ZNF471: variants seen among roughly 807,000 people sequenced by gnomAD.
The protein encoded by ZNF471 is zinc finger protein 471, also known as EZFIT-related protein 1.
Under a neutral mutation model 13.7 loss-of-function variants are expected in ZNF471, and 7 were observed. The observed-to-expected ratio is 0.51, with a 90% CI of 0.29 to 0.96. The LOEUF is 0.96. ZNF471 is among the 40% of genes least tolerant of loss of function. The pLI is 0.08. For synonymous variants in ZNF471, 218 were observed against 235.6 expected (o/e 0.93, Z 0.68); for missense variants, 663 against 743.3 (o/e 0.89, Z 1.26).
At chr19:56,512,768 CCCT>C (rs1358349692) in intron 2 of ZNF471, among the ~76,000 whole-genome samples, 3 of 152,018 alleles carry the variant, frequency 2.0e-5, no homozygotes, top group Non-Finnish European at 2.9e-5. Flanking sequence ...TGTGAAATTC[CCCT>C]CCTCACATTT....
Position 56,510,154 on chromosome 19 carries a change from G to C in ZNF471, c.-55-1363G>C, listed in dbSNP as rs1437345654. On this transcript the variant is annotated intron_variant, in intron 1 of 4. Transcript: ENST00000308031. This position sits in a 1 kb window ranked among gnomAD's most constrained non-coding sequence, Gnocchi z 4.3. ...GTATGAAAAAGATTGGAGTGAGAGTGACCAGTATGTATTTTGTGTGCATGA... is the reference window on the plus strand; with the variant it reads ...GTATGAAAAAGATTGGAGTGAGAGTCACCAGTATGTATTTTGTGTGCATGA... The C allele has an allele frequency of 1.0e-6, 1 of 985,312 alleles. No homozygotes were observed. The highest frequency in any genetic ancestry group is 1.2e-6 in the Non-Finnish European group (1 of 830,002). The allele number at this position is 985,312 out of a possible 1,614,324, so 61.0% of individuals were successfully genotyped here.
chr19:56,517,469 A>AT (rs902685828), intron 3 of ZNF471, among the ~76,000 whole-genome samples: 2 of 151,624 alleles, frequency 1.3e-5, no homozygotes, highest in African/African-American at 2.4e-5. Flanking sequence ...CACCTGGCTA[A>AT]TTTTTTTGTA....
rs1342499410 is a variant in ZNF471, at chr19:56,522,042, C to G, written c.257-2282C>G. Among the ~76,000 whole-genome samples the G allele has an allele frequency of 1.3e-5, 2 of 152,128 alleles. No individual in the cohort carries two copies. Among genetic ancestry groups the G allele is most frequent in the African/African-American group, 4.8e-5 (2 of 41,420 alleles). The stretch of plus-strand genomic sequence containing the variant: ...AAAAATACCATTGTGCTTCAGTTGC[C>G]TATAGTATTCAGTGGTAACATGTTG... On this transcript the variant is annotated intron_variant, in intron 4 of 4. Coordinates refer to ENST00000308031, the MANE Select transcript of ZNF471 (RefSeq NM_020813.4). The surrounding 1 kb of genome is among the most constrained non-coding windows in gnomAD (Gnocchi z 4.1).
chr19:56,516,537 A>G lies in ZNF471; in HGVS notation c.160+136A>G. On this transcript the variant is annotated intron_variant, in intron 3 of 4. Coordinates refer to ENST00000308031, the MANE Select transcript of ZNF471 (RefSeq NM_020813.4). The surrounding 1 kb of genome is among the most constrained non-coding windows in gnomAD (Gnocchi z 4.4). Reference sequence around the variant, plus strand: ...TCTGAGAAACAGAGGATATTGAGGGACTGAAGAAAACTTGAGATTTAGAGT... The same window carrying G: ...TCTGAGAAACAGAGGATATTGAGGGGCTGAAGAAAACTTGAGATTTAGAGT... The G allele has an allele frequency of 1.3e-6, 1 of 750,844 alleles. No homozygotes were observed. Among genetic ancestry groups the G allele is most frequent in the South Asian group, 2.1e-5 (1 of 48,510 alleles). The allele number at this position is 750,844 out of a possible 1,614,324, so 46.5% of individuals were successfully genotyped here.
chr19:56,524,969 A>G lies in ZNF471; in HGVS notation c.902A>G (p.Gln301Arg), dbSNP rs1398563543. The G allele has an allele frequency of 1.9e-6, 3 of 1,614,188 alleles. No homozygotes were observed. Among genetic ancestry groups the G allele is most frequent in the Non-Finnish European group, 2.5e-6 (3 of 1,180,036 alleles). The change falls in exon 5 of 5, where the codon CAG (glutamine) becomes CGG (arginine). Residue 301 changes from glutamine (Q) to arginine (R), a missense_variant. Gln to Arg is a conservative substitution (Grantham distance 43). Transcript: ENST00000308031. This position sits in a 1 kb window ranked among gnomAD's most constrained non-coding sequence, Gnocchi z 4.8. ...KCKECRKAFR[Q>R]PAHLAQHQRI... ...AAGGAATGCAGAAAAGCCTTCAGACAGCCTGCACACCTTGCTCAGCATCAG... is the reference window on the plus strand; with the variant it reads ...AAGGAATGCAGAAAAGCCTTCAGACGGCCTGCACACCTTGCTCAGCATCAG...
At position 56,508,086 on chromosome 19, in the gene ZNF471, G is replaced by C. The variant is rs996879594; in HGVS notation, c.-56+166G>C. On this transcript the variant is annotated intron_variant, in intron 1 of 4. Transcript: ENST00000308031. This position sits in a 1 kb window ranked among gnomAD's most constrained non-coding sequence, Gnocchi z 4.7. ...GGGCGCGCGTACTCGAGTCTGCGGG[G>C]CGGAGGCCGCGGCTCGGGGCTGCTG... 1 of 984,890 alleles carries C rather than the reference G, an allele frequency of 1.0e-6. No individual in the cohort carries two copies. Among genetic ancestry groups the C allele is most frequent in the Admixed American group, 6.1e-5 (1 of 16,272 alleles). The allele number at this position is 984,890 out of a possible 1,614,324, so 61.0% of individuals were successfully genotyped here. A position where few individuals can be genotyped will look rare whatever the true frequency, so the allele number is the denominator to read the frequency against.
In ZNF471 at chr19:56,516,519, A is replaced by C; in HGVS notation, c.160+118A>C. On this transcript the variant is annotated intron_variant, in intron 3 of 4. Coordinates refer to ENST00000308031, the MANE Select transcript of ZNF471 (RefSeq NM_020813.4). The surrounding 1 kb of genome is among the most constrained non-coding windows in gnomAD (Gnocchi z 4.4). ...TGGAATTTGGGAATGGAATCTGAGAAACAGAGGATATTGAGGGACTGAAGA... is the reference window on the plus strand; with the variant it reads ...TGGAATTTGGGAATGGAATCTGAGACACAGAGGATATTGAGGGACTGAAGA... The C allele has an allele frequency of 1.1e-6, 1 of 926,678 alleles. No individual in the cohort carries two copies. The allele number at this position is 926,678 out of a possible 1,614,324, so 57.4% of individuals were successfully genotyped here.
Position 56,525,020 on chromosome 19 carries a change from A to G in ZNF471, c.953A>G (p.Tyr318Cys), listed in dbSNP as rs752027873. 13 of 1,613,898 alleles carry G rather than the reference A, an allele frequency of 8.1e-6. No individual in the cohort carries two copies. Among genetic ancestry groups the G allele is most frequent in the African/African-American group, 5.3e-5 (4 of 74,918 alleles). ...AGAATTCATACTGGAGAGAAACCCT[A>G]TGAATGTAAAGAATGTGGCAAAGCC... is the stretch of plus-strand genomic sequence containing the variant. ...HQRIHTGEKP[Y>C]ECKECGKAFS... The change falls in exon 5 of 5, where the codon TAT (tyrosine) becomes TGT (cysteine). Residue 318 changes from tyrosine (Y) to cysteine (C), a missense_variant. Transcript: ENST00000308031.
In ZNF471 at chr19:56,524,138, A is replaced by G. The variant is rs547843504; in HGVS notation, c.257-186A>G. 6.6e-6 allele frequency among the ~76,000 whole-genome samples: 1 copy of G among 151,744 alleles called. No homozygotes were observed. The highest frequency in any genetic ancestry group is 1.9e-4 in the East Asian group (1 of 5,164). The stretch of plus-strand genomic sequence containing the variant: ...CCTAGCCCATTTCGCTTTCTTAGTC[A>G]CCTCTCCCATGTTCCTTCATGAGCT... On this transcript the variant is annotated intron_variant, in intron 4 of 4. Coordinates refer to ENST00000308031, the MANE Select transcript of ZNF471 (RefSeq NM_020813.4). The surrounding 1 kb of genome is among the most constrained non-coding windows in gnomAD (Gnocchi z 4.8).
chr19:56,512,488 A>G (rs914928428), intron 2 of ZNF471, among the ~76,000 whole-genome samples: 4 of 152,012 alleles, frequency 2.6e-5, no homozygotes, highest in African/African-American at 9.7e-5. Flanking sequence ...TTTACATTAC[A>G]TTTTTACATT....
In ZNF471 at chr19:56,510,226, G is replaced by C; in HGVS notation, c.-55-1291G>C. On this transcript the variant is annotated intron_variant, in intron 1 of 4. Coordinates refer to ENST00000308031, the MANE Select transcript of ZNF471 (RefSeq NM_020813.4). This position sits in a 1 kb window ranked among gnomAD's most constrained non-coding sequence, Gnocchi z 4.3. ...GAGATCAGAGTGTGTTTGTGTATCT[G>C]TGTGAGACACTGGAGCATTTGAGTA... 1 of 985,504 alleles carries C rather than the reference G, an allele frequency of 1.0e-6. No individual in the cohort carries two copies. Among genetic ancestry groups the C allele is most frequent in the Non-Finnish European group, 1.2e-6 (1 of 829,996 alleles). 61.0% of individuals were successfully genotyped at this position (985,504 alleles called of 1,614,324 possible).
At chr19:56,519,952 C>T (rs73629929) in intron 4 of ZNF471, among the ~76,000 whole-genome samples, 3,420 of 152,266 alleles carry the variant, frequency 0.022, 115 homozygotes, top group African/African-American at 0.076. Context: ...CTCTTAGTCT[C>T]GTCTAGCTTT....
intron 2 of ZNF471, among the ~76,000 whole-genome samples, chr19:56,513,632 T>A (rs2043839393): frequency 6.6e-6 from 1 of 152,264 alleles, no homozygotes; most frequent in Non-Finnish European, 1.5e-5. Flanking sequence ...TCACTACCTT[T>A]CCTTTTAGCT....
intron 2 of ZNF471, among the ~76,000 whole-genome samples, chr19:56,512,042 T>C (rs1189389018): frequency 6.6e-6 from 1 of 152,078 alleles, no homozygotes; most frequent in East Asian, 1.9e-4. Flanking sequence ...TAAAAGTTTT[T>C]CTTTACATTT....
chr19:56,513,020 A>C (rs1297619556), intron 2 of ZNF471, among the ~76,000 whole-genome samples: 1 of 152,176 alleles, frequency 6.6e-6, no homozygotes, highest in African/African-American at 2.4e-5. Flanking sequence ...TAATTTTCCA[A>C]AGATACAGAC....
chr19:56,510,701 G>T lies in ZNF471; in HGVS notation c.-55-816G>T. ...ATAATTGTGGCCCTGTATGACTGCT[G>T]TGTATGGAGAGACTACTTGGAAGAT... is the stretch of plus-strand genomic sequence containing the variant. On this transcript the variant is annotated intron_variant, in intron 1 of 4. Transcript: ENST00000308031. This position sits in a 1 kb window ranked among gnomAD's most constrained non-coding sequence, Gnocchi z 4.3. The T allele has an allele frequency of 1.0e-6, 1 of 985,506 alleles. No homozygotes were observed. 61.0% of individuals were successfully genotyped at this position (985,506 alleles called of 1,614,324 possible).
chr19:56,517,330 T>C (rs2043905695), intron 3 of ZNF471, among the ~76,000 whole-genome samples: 2 of 140,542 alleles, frequency 1.4e-5, no homozygotes, highest in Admixed American at 1.5e-4. Context: ...TGAAACGGAG[T>C]CTCGCTCTGT....
chr19:56,517,145 T>TC (rs1491175304), intron 3 of ZNF471, among the ~76,000 whole-genome samples: 1 of 43,876 alleles, frequency 2.3e-5, no homozygotes, highest in Non-Finnish European at 5.8e-5. Context: ...TCTCGCTCTC[T>TC]TTTTTTTTTT....
rs1263875542 is a variant in ZNF471 at position 56,524,253 on chromosome 19, C to G, written c.257-71C>G. The G allele has an allele frequency of 9.1e-7, 1 of 1,104,352 alleles. No homozygotes were observed. The highest frequency in any genetic ancestry group is 1.3e-6 in the Non-Finnish European group (1 of 786,240). 68.4% of individuals were successfully genotyped at this position (1,104,352 alleles called of 1,614,324 possible). ...GATTTATTAAATATTTTTAAATTAC[C>G]TTTTTCACAATGTCTCCTTTGTTGT... On this transcript the variant is annotated intron_variant, in intron 4 of 4. Transcript: ENST00000308031. This position sits in a 1 kb window ranked among gnomAD's most constrained non-coding sequence, Gnocchi z 4.8.
Sources: gnomAD v4.1 joint callset for allele counts (sites outside exome capture counted in the v4.1 genomes callset) on GRCh38, gnomAD v4.1.1 for gene constraint, Gnocchi (gnomAD v3.1) non-coding constraint, MANE v1.5 for transcripts, NCBI Gene and HGNC (gene_info 2026-07-23, HGNC 2026-07-21) for gene names.